Variants in STIM1 observed in about 807,000 individuals in gnomAD.
The protein encoded by STIM1 is stromal interaction molecule 1.
STIM1 carries 25 observed loss-of-function variants against 74.7 expected under a neutral mutation model. That is an observed-to-expected ratio of 0.33 (90% confidence interval 0.24 to 0.47). The LOEUF (loss-of-function observed/expected upper bound fraction) is 0.47, where lower values mean the gene tolerates loss of function less well. Among genes scored for constraint, STIM1 ranks in the 20% least tolerant of loss-of-function variants. The pLI is 1.00. For synonymous variants in STIM1, 328 were observed against 348.8 expected, an observed-to-expected ratio of 0.94 and a Z score of 0.66; for missense variants, 728 against 920.8, an observed-to-expected ratio of 0.79 and a Z score of 2.71.
intron 1 of STIM1, among the ~76,000 whole-genome samples, chr11:3,942,391 A>G (rs147760157): frequency 3.3e-5 from 5 of 152,298 alleles, no homozygotes; most frequent in African/African-American, 9.6e-5. Context: ...TAAACTTGTA[A>G]GTCCCATAAG....
chr11:4,034,666 T>C (rs1018542729), intron 3 of STIM1, among the ~76,000 whole-genome samples: 2 of 152,218 alleles, frequency 1.3e-5, no homozygotes, highest in African/African-American at 4.8e-5. Context: ...CTCAAGTTTT[T>C]TTGAAGAGTT....
At chr11:4,028,533 C>A (rs748712190) in intron 3 of STIM1, among the ~76,000 whole-genome samples, 3 of 151,388 alleles carry the variant, frequency 2.0e-5, no homozygotes, top group African/African-American at 7.3e-5. Context: ...GTCAGCCTCC[C>A]GAGTAGCTGG....
In STIM1 at chr11:4,003,607, C is replaced by T. The variant is rs1199805816; in HGVS notation, c.271-20266C>T. On this transcript the variant is annotated intron_variant, in intron 2 of 12. Coordinates refer to ENST00000526596, the MANE Select transcript of STIM1 (RefSeq NM_001382567.1). ...CGTATCTCAAAATAATAAGAGCTAT[C>T]TATGACAGACCCACAGCCAATATCA... 3.9e-3 allele frequency among the ~76,000 whole-genome samples: 593 copies of T among 152,130 alleles called. 4 individuals carry two copies. The highest frequency in any genetic ancestry group is 0.023 in the East Asian group (118 of 5,176).
intron 10 of STIM1, 116 bp downstream of exon 10, chr11:4,083,614 A>C: frequency 7.1e-6 from 7 of 987,918 alleles, no homozygotes; most frequent in Non-Finnish European, 1.1e-5. Flanking sequence ...AAGATAGTTC[A>C]ACTCATGACC....
chr11:4,086,446 C>T lies in STIM1; in HGVS notation c.1568-31C>T, dbSNP rs188046166. On this transcript the variant is annotated intron_variant, in intron 11 of 12. Transcript: ENST00000526596. The stretch of plus-strand genomic sequence containing the variant: ...CCTGCCAGCCCAAAGTGGGCTGGCC[C>T]CTCCTGACACTTTCTTTATTCTCCT... The T allele has an allele frequency of 1.3e-4, 209 of 1,612,190 alleles. No individual in the cohort carries two copies. In the African/African-American group the frequency reaches 2.6e-3, roughly 20 times the overall value.
intron 1 of STIM1, among the ~76,000 whole-genome samples, chr11:3,894,824 C>T (rs1418099490): frequency 6.6e-6 from 1 of 152,032 alleles, no homozygotes; most frequent in African/African-American, 2.4e-5. Flanking sequence ...CTGCAACCTC[C>T]GCCTTCCGGG....
intron 1 of STIM1, among the ~76,000 whole-genome samples, chr11:3,956,810 A>G: frequency 1.5e-5 from 2 of 129,952 alleles, no homozygotes; most frequent in Non-Finnish European, 3.2e-5. Context: ...GTGACAGAGC[A>G]AGACCCTGTC....
chr11:3,947,100 G>GTTTTTTTTTTTTT (rs57701004), intron 1 of STIM1, among the ~76,000 whole-genome samples: 1 of 139,350 alleles, frequency 7.2e-6, no homozygotes. Flanking sequence ...CATTCTTAGT[G>GTTTTTTTTTTTTT]TTTTTTTTTT....
At chr11:3,876,745 A>T (rs2091318496) in intron 1 of STIM1, among the ~76,000 whole-genome samples, 1 of 152,170 alleles carries the variant, frequency 6.6e-6, no homozygotes. Context: ...GAAGATAAAG[A>T]AATACTGATA....
chr11:4,048,404 T>G (rs1275423195), intron 3 of STIM1, among the ~76,000 whole-genome samples: 1 of 152,174 alleles, frequency 6.6e-6, no homozygotes, highest in Non-Finnish European at 1.5e-5. Flanking sequence ...AAAAACAGAT[T>G]TATACTTTAA....
intron 2 of STIM1, among the ~76,000 whole-genome samples, chr11:3,973,696 C>T (rs1172563738): frequency 2.0e-5 from 3 of 151,984 alleles, no homozygotes; most frequent in Non-Finnish European, 4.4e-5. Flanking sequence ...TGCACCCAGC[C>T]AGTATTTCTT....
intron 1 of STIM1, among the ~76,000 whole-genome samples, chr11:3,936,415 TG>T (rs1392953547): frequency 6.6e-6 from 1 of 152,146 alleles, no homozygotes; most frequent in African/African-American, 2.4e-5. Context: ...AGATAGGCAG[TG>T]GGGAGGAATG....
intron 1 of STIM1, among the ~76,000 whole-genome samples, chr11:3,870,809 T>A (rs1329994566): frequency 6.6e-6 from 1 of 151,820 alleles, no homozygotes; most frequent in Non-Finnish European, 1.5e-5. Flanking sequence ...CATCTCCGAT[T>A]TTCTAGTGGG....
At chr11:3,893,271 CAGGG>C in intron 1 of STIM1, among the ~76,000 whole-genome samples, 1 of 152,222 alleles carries the variant, frequency 6.6e-6, no homozygotes, top group African/African-American at 2.4e-5. Flanking sequence ...CATAGATGGA[CAGGG>C]ATGCTCAGTA....
chr11:3,933,906 G>A (rs1418196517), intron 1 of STIM1, among the ~76,000 whole-genome samples: 1 of 152,210 alleles, frequency 6.6e-6, no homozygotes, highest in Non-Finnish European at 1.5e-5. Context: ...CTTGGCTTGA[G>A]TGGTGGAAAG....
chr11:4,012,797 T>A (rs1174140838), intron 2 of STIM1, among the ~76,000 whole-genome samples: 1 of 152,212 alleles, frequency 6.6e-6, no homozygotes, highest in Non-Finnish European at 1.5e-5. Context: ...ATCCTTGTCT[T>A]GTGCCAGTTT....
At chr11:3,871,984 T>C (rs1354483785) in intron 1 of STIM1, among the ~76,000 whole-genome samples, 1 of 152,248 alleles carries the variant, frequency 6.6e-6, no homozygotes, top group Admixed American at 6.5e-5. Flanking sequence ...TTGCAATTCT[T>C]TGGTTTATCC....
intron 1 of STIM1, among the ~76,000 whole-genome samples, chr11:3,913,775 C>T (rs1046938405): frequency 6.6e-6 from 1 of 152,162 alleles, no homozygotes; most frequent in Non-Finnish European, 1.5e-5. Context: ...AACCCCTTAC[C>T]TATTAAGCAG....
At chr11:4,057,856 C>A (rs1476617792) in intron 4 of STIM1, among the ~76,000 whole-genome samples, 4 of 143,582 alleles carry the variant, frequency 2.8e-5, no homozygotes, top group Non-Finnish European at 6.0e-5. Flanking sequence ...AGCGACAGAG[C>A]GAGACTCCGT....
Sources: allele counts gnomAD v4.1 joint callset (sites outside exome capture counted in the v4.1 genomes callset), GRCh38; gene constraint gnomAD v4.1.1; transcripts MANE v1.5; gene names NCBI Gene and HGNC (gene_info 2026-07-23, HGNC 2026-07-21).